The following F5 variants were observed in gnomAD, a reference collection of about 807,000 sequenced individuals.
The protein encoded by F5 is coagulation factor V.
F5 carries 138 observed loss-of-function variants against 216.4 expected under a neutral mutation model. The observed-to-expected ratio is 0.64, with a 90% CI of 0.56 to 0.73. The LOEUF (loss-of-function observed/expected upper bound fraction) is 0.73. Ranked by LOEUF, F5 falls within the 30% of genes least tolerant of loss-of-function variation. The probability of loss-of-function intolerance (pLI) is 0.00; values close to 1 mark genes in which losing one functional copy is unlikely to be tolerated. For missense variants in F5, 2,403 were observed against 2,674.0 expected (o/e 0.90, Z 2.24); for synonymous variants, 916 against 930.7 (o/e 0.98, Z 0.29).
intron 2 of F5, among the ~76,000 whole-genome samples, chr1:169,580,346 T>C (rs769474016): frequency 6.6e-6 from 1 of 152,066 alleles, no homozygotes; most frequent in Non-Finnish European, 1.5e-5. Flanking sequence ...GAGCCTAGAA[T>C]GTAGTAGGTT....
chr1:169,549,876 C>T lies in F5; in HGVS notation c.1536G>A (p.Met512Ile). ...CTATTAGCCCAGAGGCGATGTCTCTCATGATGTCCACGTCACTGTAGTATG... is the reference window on the plus strand; with the variant it reads ...CTATTAGCCCAGAGGCGATGTCTCTTATGATGTCCACGTCACTGTAGTATG... The part of the protein sequence containing the change: ...TRPYYSDVDI[M>I]RDIASGLIGL... Residue 512 changes from methionine (M) to isoleucine (I), a missense_variant, in exon 10 of 25, where the codon ATG (methionine) becomes ATA (isoleucine). Coordinates refer to ENST00000367797, the MANE Select transcript of F5 (RefSeq NM_000130.5). 3 of 1,614,174 alleles carry T rather than the reference C, an allele frequency of 1.9e-6. No homozygotes were observed. The highest frequency in any genetic ancestry group is 2.5e-6 in the Non-Finnish European group (3 of 1,180,014).
rs775607876 is a variant in F5, at chr1:169,550,664, C to A, written c.1372G>T (p.Glu458Ter). ...HGVTFSPYED[E>*]VNSSFTSGRN... is the part of the protein sequence containing the mutation. ...CCTGAGGTGAAAGAAGAGTTGACTTCATCTTCATAAGGCGAGAAGGTCACT... is the reference window on the plus strand; with the variant it reads ...CCTGAGGTGAAAGAAGAGTTGACTTAATCTTCATAAGGCGAGAAGGTCACT... The change falls in exon 9 of 25, where the codon GAA (glutamate) becomes TAA (stop). Residue 458 changes from glutamate to a stop codon, truncating the protein, a stop_gained. Coordinates refer to ENST00000367797, the MANE Select transcript of F5 (RefSeq NM_000130.5). LOFTEE classifies it high-confidence loss of function. 1 of 1,613,932 alleles carries A rather than the reference C, an allele frequency of 6.2e-7. No individual in the cohort carries two copies. Among genetic ancestry groups the A allele is most frequent in the Non-Finnish European group, 8.5e-7 (1 of 1,179,876 alleles).
intron 1 of F5, 36 bp downstream of exon 1, chr1:169,586,193 C>T (rs761179818): frequency 1.2e-6 from 2 of 1,613,076 alleles, no homozygotes; most frequent in South Asian, 1.1e-5. Flanking sequence ...ATTTTCCTCT[C>T]TAGAGAAGCC....
intron 3 of F5, among the ~76,000 whole-genome samples, chr1:169,564,350 A>G (rs1438241617): frequency 6.6e-6 from 1 of 152,066 alleles, no homozygotes; most frequent in Non-Finnish European, 1.5e-5. Flanking sequence ...CTGCCCTAAA[A>G]TCACAAATTC....
In F5 at chr1:169,556,886, C is replaced by T. The variant is rs1273006582; in HGVS notation, c.731-19G>A. 3.1e-6 allele frequency: 5 copies of T among 1,607,892 alleles called. No individual in the cohort carries two copies. The highest frequency in any genetic ancestry group is 1.7e-5 in the Admixed American group (1 of 59,870). On this transcript the variant is annotated intron_variant, in intron 5 of 24. Transcript: ENST00000367797. The stretch of plus-strand genomic sequence containing the variant: ...GTTATATCTGAGAAAGAGGGAGAGA[C>T]ACAGGCCAAAATAAGCATTCAGTCA...
At chr1:169,576,289 C>T (rs1327047255) in intron 2 of F5, among the ~76,000 whole-genome samples, 1 of 152,198 alleles carries the variant, frequency 6.6e-6, no homozygotes, top group African/African-American at 2.4e-5. Context: ...GAGGTCCTAT[C>T]TTTCCCTACC....
At position 169,541,208 on chromosome 1, in the gene F5, G is replaced by T; in HGVS notation, c.3882C>A (p.Leu1294=). The stretch of plus-strand genomic sequence containing the variant: ...GAGTCATATGGCTGAGTTCTGGAGA[G>T]AGGTTTGTCTGGCTGAAGTCTAGAG... ...TLSLDFSQTN[L]SPELSHMTLS... is the part of the protein sequence containing the mutation. The change falls in exon 13 of 25, where the codon CTC becomes CTA. Residue 1294 remains leucine (L), a synonymous_variant. Coordinates refer to ENST00000367797, the MANE Select transcript of F5 (RefSeq NM_000130.5). The T allele has an allele frequency of 6.3e-7, 1 of 1,591,498 alleles. No individual in the cohort carries two copies. Among genetic ancestry groups the T allele is most frequent in the Non-Finnish European group, 8.6e-7 (1 of 1,166,214 alleles).
At position 169,536,616 on chromosome 1, in the gene F5, G is replaced by A; in HGVS notation, c.4861C>T (p.Arg1621Ter). 3.7e-6 allele frequency: 6 copies of A among 1,613,252 alleles called. No homozygotes were observed. The highest frequency in any genetic ancestry group is 1.7e-4 in the Middle Eastern group (1 of 6,058). ...GTAAAAGTGCTGTCGAGGTACTTTC[G>A]AAAAACTACTTTCTTATATGTGGTA... is the stretch of plus-strand genomic sequence containing the variant. The part of the protein sequence containing the change: ...EDTTYKKVVF[R>*]KYLDSTFTKR... Residue 1621 changes from arginine (R) to a stop codon, truncating the protein, a stop_gained, in exon 14 of 25, where the codon CGA (arginine) becomes TGA (stop). Transcript: ENST00000367797. LOFTEE classifies it high-confidence loss of function.
At chr1:169,579,249 A>T (rs1660934556) in intron 2 of F5, among the ~76,000 whole-genome samples, 1 of 152,110 alleles carries the variant, frequency 6.6e-6, no homozygotes, top group South Asian at 2.1e-4. Flanking sequence ...TGCCTCCAGG[A>T]TAACACATTC....
chr1:169,560,977 C>T (rs1210460535), intron 3 of F5, among the ~76,000 whole-genome samples: 2 of 152,158 alleles, frequency 1.3e-5, no homozygotes, highest in Non-Finnish European at 2.9e-5. Context: ...TTAAGAATAA[C>T]AAATGTTATT....
chr1:169,551,510 A>G (rs951125373), intron 8 of F5, among the ~76,000 whole-genome samples: 1 of 152,200 alleles, frequency 6.6e-6, no homozygotes, highest in Admixed American at 6.5e-5. Context: ...AACTTTTAAT[A>G]AGGTATGTCT....
At chr1:169,559,015 A>AAAC (rs560298412) in intron 5 of F5, 138 bp downstream of exon 5, 2 of 936,924 alleles carry the variant, frequency 2.1e-6, no homozygotes, top group African/African-American at 3.3e-5. Context: ...TAAAAAAAAA[A>AAAC]AGAGAAAATA....
In F5 at chr1:169,513,132, G is replaced by A. The variant is rs1020034399; in HGVS notation, c.*1181C>T. 6.6e-6 allele frequency among the ~76,000 whole-genome samples: 1 copy of A among 151,822 alleles called. No homozygotes were observed. Among genetic ancestry groups the A allele is most frequent in the African/African-American group, 2.4e-5 (1 of 41,328 alleles). On this transcript the variant is annotated 3_prime_UTR_variant, in exon 25 of 25. Coordinates refer to ENST00000367797, the MANE Select transcript of F5 (RefSeq NM_000130.5). ...TGATTTCTCTGTGGTCTGAGAGATT[G>A]TTATGAATTTCGTTGATAAAATTTT... is the stretch of plus-strand genomic sequence containing the variant.
At position 169,523,952 on chromosome 1, in the gene F5, C is replaced by A. The variant is rs778447032; in HGVS notation, c.5789-48G>T. 3 of 1,505,202 alleles carry A rather than the reference C, an allele frequency of 2.0e-6. No homozygotes were observed. The South Asian group carries it at 3.4e-5, about 17-fold the overall frequency. The allele number at this position is 1,505,202 out of a possible 1,614,324, so 93.2% of individuals were successfully genotyped here. A position where few individuals can be genotyped will look rare whatever the true frequency, so the allele number is the denominator to read the frequency against. On this transcript the variant is annotated intron_variant, in intron 19 of 24. Transcript: ENST00000367797. ...ATTTATTCTGAATTTTTTAAAAACC[C>A]AGCAATTTCTCAAGTGAGTTTAATC...
At chr1:169,570,603 C>T (rs1375283886) in intron 3 of F5, among the ~76,000 whole-genome samples, 1 of 152,072 alleles carries the variant, frequency 6.6e-6, no homozygotes, top group Non-Finnish European at 1.5e-5. Flanking sequence ...TGCAAGTACT[C>T]CTAAGGAAGG....
rs1045976080 is a variant in F5 at position 169,528,245 on chromosome 1, T to C, written c.5420-151A>G. Reference sequence around the variant, plus strand: ...TAGCCATGGAAAGGGCCCTCTTGTATGTCACATTAGTGAGAGGCTAAAGCA... The same window carrying C: ...TAGCCATGGAAAGGGCCCTCTTGTACGTCACATTAGTGAGAGGCTAAAGCA... On this transcript the variant is annotated intron_variant, in intron 16 of 24. Coordinates refer to ENST00000367797, the MANE Select transcript of F5 (RefSeq NM_000130.5). The C allele has an allele frequency of 4.4e-6, 4 of 910,128 alleles. No homozygotes were observed. The African/African-American group carries it at 6.6e-5, about 15-fold the overall frequency. 56.4% of individuals were successfully genotyped at this position (910,128 alleles called of 1,614,324 possible).
At chr1:169,524,941 T>G (rs1307366927) in intron 18 of F5, 33 bp from the exon 19 acceptor site, 1 of 1,554,470 alleles carries the variant, frequency 6.4e-7, no homozygotes, top group Admixed American at 1.7e-5. Flanking sequence ...GAATAATTTT[T>G]GCTTAGAAAA....
intron 17 of F5, among the ~76,000 whole-genome samples, chr1:169,526,330 C>T (rs934301826): frequency 6.6e-6 from 1 of 152,140 alleles, no homozygotes; most frequent in Non-Finnish European, 1.5e-5. Flanking sequence ...AAAGTGACCT[C>T]GAATGACATC....
rs536614946 is a variant in F5 at position 169,542,798 on chromosome 1, G to T, written c.2292C>A (p.Phe764Leu). ...CAATTATATCTGTGTTTGAAGAAAC[G>T]AATTCAGTGCCATTCTCCAGAGCTA... ...TALALENGTE[F>L]VSSNTDIIVG... The change falls in exon 13 of 25, where the codon TTC (phenylalanine) becomes TTA (leucine). Residue 764 changes from phenylalanine (F) to leucine (L), a missense_variant. Physicochemically the swap from Phe to Leu is conservative, Grantham distance 22. Around this residue, in one of 4 missense-constraint regions of F5, gnomAD observed 1,425 missense variants for 1,554.8 expected, o/e 0.92. Coordinates refer to ENST00000367797, the MANE Select transcript of F5 (RefSeq NM_000130.5). The T allele has an allele frequency of 1.2e-6, 2 of 1,614,094 alleles. No homozygotes were observed. The highest frequency in any genetic ancestry group is 2.2e-5 in the South Asian group (2 of 91,078).
Sources: gnomAD v4.1 joint callset for allele counts (sites outside exome capture counted in the v4.1 genomes callset) on GRCh38, gnomAD v4.1.1 for gene constraint, gnomAD v4.1.1 regional missense constraint, MANE v1.5 for transcripts, NCBI Gene and HGNC (gene_info 2026-07-23, HGNC 2026-07-21) for gene names.